SOCS2: variants seen among roughly 807,000 people sequenced by gnomAD.
The protein encoded by SOCS2 is suppressor of cytokine signaling 2.
SOCS2 carries 10 observed loss-of-function variants against 18.6 expected under a neutral mutation model. The ratio of observed to expected loss-of-function variants is 0.54; its 90% confidence interval spans 0.33 to 0.91. SOCS2 has a LOEUF of 0.91. Ranked by LOEUF, SOCS2 falls within the 40% of genes least tolerant of loss-of-function variation. The probability of loss-of-function intolerance (pLI) is 0.02; values close to 1 mark genes in which losing one functional copy is unlikely to be tolerated. For missense variants in SOCS2, 231 were observed against 247.2 expected (o/e 0.93, Z 0.44); for synonymous variants, 104 against 104.0 (o/e 1.00, Z 0.00).
chr12:93,608,570 T>C, the SOCS2 span, among the ~76,000 whole-genome samples: 1 of 152,136 alleles, frequency 6.6e-6, no homozygotes, highest in Admixed American at 6.5e-5. Context: ...ATTACATAGT[T>C]CATATACATA....
At chr12:93,602,087 C>T in the SOCS2 span, among the ~76,000 whole-genome samples, 1 of 152,006 alleles carries the variant, frequency 6.6e-6, no homozygotes, top group East Asian at 1.9e-4. Flanking sequence ...TTATGTCAGT[C>T]CTTAGTATTT....
At chr12:93,598,134 T>C in the SOCS2 span, among the ~76,000 whole-genome samples, 14 of 152,120 alleles carry the variant, frequency 9.2e-5, no homozygotes, top group African/African-American at 3.1e-4. Flanking sequence ...AGTGAGGGGA[T>C]TGGCAGGGCA....
chr12:93,617,903 A>G, the SOCS2 span, among the ~76,000 whole-genome samples: 7 of 152,204 alleles, frequency 4.6e-5, no homozygotes, highest in Non-Finnish European at 7.4e-5. Flanking sequence ...CTGATGTGTA[A>G]TCCTTTGTCT....
the SOCS2 span, among the ~76,000 whole-genome samples, chr12:93,607,149 A>G: frequency 0.015 from 2,310 of 152,318 alleles, 69 homozygotes; most frequent in African/African-American, 0.053. Context: ...TTAATAAAAT[A>G]TGTGTTCTTT....
the SOCS2 span, among the ~76,000 whole-genome samples, chr12:93,605,434 C>T: frequency 6.6e-6 from 1 of 152,148 alleles, no homozygotes; most frequent in Non-Finnish European, 1.5e-5. Flanking sequence ...AGGCCAGGGG[C>T]TTCAACCATA....
At chr12:93,625,705 G>A in the SOCS2 span, among the ~76,000 whole-genome samples, 4 of 138,928 alleles carry the variant, frequency 2.9e-5, no homozygotes, top group East Asian at 6.3e-4. Context: ...CTGAGATCAC[G>A]CCACTGCACT....
At chr12:93,611,001 T>G in the SOCS2 span, among the ~76,000 whole-genome samples, 1 of 152,188 alleles carries the variant, frequency 6.6e-6, no homozygotes, top group Admixed American at 6.5e-5. Context: ...TTTTTAGAAC[T>G]CCACAGGGTT....
At chr12:93,571,933 T>C, upstream of SOCS2, 1 of 391,420 alleles carries the variant, frequency 2.6e-6, no homozygotes, top group African/African-American at 2.3e-5. Flanking sequence ...GCGGCGTTGG[T>C]GGTTTGCATT....
chr12:93,593,934 C>T, the SOCS2 span, among the ~76,000 whole-genome samples: 1 of 152,102 alleles, frequency 6.6e-6, no homozygotes, highest in Non-Finnish European at 1.5e-5. Flanking sequence ...AAATCAAGAG[C>T]GTAGAAAACC....
chr12:93,609,710 T>G, the SOCS2 span, among the ~76,000 whole-genome samples: 26 of 152,214 alleles, frequency 1.7e-4, no homozygotes, highest in African/African-American at 6.3e-4. Context: ...AAGCAGTAAT[T>G]TATGACTGTT....
chr12:93,600,684 C>T, the SOCS2 span, among the ~76,000 whole-genome samples: 1 of 148,218 alleles, frequency 6.7e-6, no homozygotes. Flanking sequence ...CTTGTATTTC[C>T]TTTGTTAAAT....
chr12:93,590,143 T>A, the SOCS2 span, among the ~76,000 whole-genome samples: 1 of 151,690 alleles, frequency 6.6e-6, no homozygotes, highest in Non-Finnish European at 1.5e-5. Flanking sequence ...TCTCAGCTAC[T>A]CAGGAGGCTT....
the SOCS2 span, among the ~76,000 whole-genome samples, chr12:93,613,541 G>C: frequency 1.3e-5 from 2 of 152,158 alleles, no homozygotes; most frequent in African/African-American, 4.8e-5. Context: ...TTTATCTGAA[G>C]GTGGGCATTT....
chr12:93,584,989 C>CT (rs1271010364), downstream of SOCS2, among the ~76,000 whole-genome samples: 1 of 152,140 alleles, frequency 6.6e-6, no homozygotes, highest in Admixed American at 6.5e-5. Flanking sequence ...TCTCAAACTC[C>CT]TGACCTCAGG....
At chr12:93,594,790 G>T in the SOCS2 span, among the ~76,000 whole-genome samples, 3 of 152,148 alleles carry the variant, frequency 2.0e-5, no homozygotes, top group African/African-American at 4.8e-5. Flanking sequence ...TTCAGGGAAA[G>T]AAATGAATTT....
At chr12:93,578,951 C>G (rs1444097437), downstream of SOCS2, among the ~76,000 whole-genome samples, 1 of 152,200 alleles carries the variant, frequency 6.6e-6, no homozygotes, top group Non-Finnish European at 1.5e-5. Context: ...CCTCCTCTAC[C>G]CGATTCTGAA....
chr12:93,613,238 G>C, the SOCS2 span, among the ~76,000 whole-genome samples: 2 of 151,960 alleles, frequency 1.3e-5, no homozygotes, highest in African/African-American at 4.8e-5. Flanking sequence ...TGTATAAATA[G>C]AAAAAAGGGA....
At chr12:93,590,781 C>G in the SOCS2 span, among the ~76,000 whole-genome samples, 1 of 42,612 alleles carries the variant, frequency 2.3e-5, no homozygotes, top group Non-Finnish European at 3.9e-5. Context: ...AAGACTCCGC[C>G]TCAAAAAAAA....
downstream of SOCS2, among the ~76,000 whole-genome samples, chr12:93,583,769 G>A (rs78783328): frequency 9.0e-3 from 1,372 of 152,274 alleles, 15 homozygotes; most frequent in African/African-American, 0.031. Flanking sequence ...AAAAAAGCTA[G>A]AACATTTACT....
Sources: allele counts gnomAD v4.1 joint callset (sites outside exome capture counted in the v4.1 genomes callset), GRCh38; gene constraint gnomAD v4.1.1; transcripts MANE v1.5; gene names NCBI Gene and HGNC (gene_info 2026-07-23, HGNC 2026-07-21).